The following PLCXD3 variants were observed in gnomAD, a reference collection of about 807,000 sequenced individuals.
PLCXD3 encodes PI-PLC X domain-containing protein 3.
In PLCXD3, 19 loss-of-function variants were observed where a neutral mutation model predicts 25.5. The ratio of observed to expected loss-of-function variants is 0.75; its 90% CI spans 0.52 to 1.09. The LOEUF (loss-of-function observed/expected upper bound fraction) is 1.09. Among genes scored for constraint, PLCXD3 ranks in the 50% least tolerant of loss-of-function variants. The probability of loss-of-function intolerance (pLI) is 0.00; values close to 1 mark genes in which losing one functional copy is unlikely to be tolerated. For missense variants in PLCXD3, 411 were observed against 388.1 expected, an observed-to-expected ratio of 1.06 and a Z score of -0.50; for synonymous variants, 174 against 137.6, an observed-to-expected ratio of 1.26 and a Z score of -1.85.
chr5:41,399,392 T>C (rs1444292190), intron 1 of PLCXD3, among the ~76,000 whole-genome samples: 1 of 152,056 alleles, frequency 6.6e-6, no homozygotes, highest in East Asian at 1.9e-4. Flanking sequence ...GCCAAAGCAA[T>C]CTCAAGCAAA....
At chr5:41,353,670 A>G (rs1019383006) in intron 2 of PLCXD3, among the ~76,000 whole-genome samples, 4 of 152,220 alleles carry the variant, frequency 2.6e-5, no homozygotes, top group Non-Finnish European at 5.9e-5. Flanking sequence ...AGGGAGAAAG[A>G]TAATAAATGA....
At chr5:41,363,590 T>G (rs1744850209) in intron 2 of PLCXD3, among the ~76,000 whole-genome samples, 2 of 152,210 alleles carry the variant, frequency 1.3e-5, no homozygotes. Flanking sequence ...AAGACTCCTT[T>G]ATTGAAATTG....
intron 2 of PLCXD3, among the ~76,000 whole-genome samples, chr5:41,327,099 T>C (rs1424538061): frequency 6.6e-6 from 1 of 152,138 alleles, no homozygotes; most frequent in Non-Finnish European, 1.5e-5. Flanking sequence ...TGGTCATGCC[T>C]AGGCCCTCTT....
rs76168025 is a variant in PLCXD3 at position 41,503,308 on chromosome 5, T to C, written c.103+7116A>G. ...TGAATGAAGGAACCAAATTTTCATT[T>C]ATAATGATAATTATGGATAAATGTG... On this transcript the variant is annotated intron_variant, in intron 1 of 2. Coordinates refer to ENST00000377801, the MANE Select transcript of PLCXD3 (RefSeq NM_001005473.3). Among the ~76,000 whole-genome samples, 126 of 152,336 alleles carry C rather than the reference T, an allele frequency of 8.3e-4. 2 individuals carry two copies. The East Asian group carries it at 0.024, about 28-fold the overall frequency.
chr5:41,348,664 T>C (rs116018416), intron 2 of PLCXD3, among the ~76,000 whole-genome samples: 1,826 of 152,242 alleles, frequency 0.012, 45 homozygotes, highest in African/African-American at 0.042. Context: ...TGTTTGTTTG[T>C]TTGTTTTAGA....
chr5:41,405,926 C>A (rs930846134), intron 1 of PLCXD3, among the ~76,000 whole-genome samples: 2 of 152,020 alleles, frequency 1.3e-5, no homozygotes, highest in African/African-American at 2.4e-5. Context: ...CAGCAAAATG[C>A]CATTGATGAC....
At position 41,356,366 on chromosome 5, in the gene PLCXD3, A is replaced by G. The variant is rs943458780; in HGVS notation, c.812+25460T>C. ...AAGAGTTGGCTTTGTATCGGTGAAG[A>G]AAAAACTGGGGATGGTTACAGGATA... On this transcript the variant is annotated intron_variant, in intron 2 of 2. Coordinates refer to ENST00000377801, the MANE Select transcript of PLCXD3 (RefSeq NM_001005473.3). Among the ~76,000 whole-genome samples, 3 of 152,244 alleles carry G rather than the reference A, an allele frequency of 2.0e-5. No individual in the cohort carries two copies. In the South Asian group the frequency reaches 6.2e-4, roughly 32 times the overall value.
At chr5:41,440,358 G>C (rs557316754) in intron 1 of PLCXD3, among the ~76,000 whole-genome samples, 2 of 149,452 alleles carry the variant, frequency 1.3e-5, no homozygotes, top group African/African-American at 4.9e-5. Context: ...TCAGCCTCCC[G>C]AGTAGTTGGG....
chr5:41,334,093 A>T (rs1561235813), intron 2 of PLCXD3, among the ~76,000 whole-genome samples: 1 of 152,216 alleles, frequency 6.6e-6, no homozygotes, highest in African/African-American at 2.4e-5. Context: ...TTTATTTTTA[A>T]AACCAACAAA....
chr5:41,382,068 T>C lies in PLCXD3; in HGVS notation c.570A>G (p.Gln190=). The C allele has an allele frequency of 6.2e-7, 1 of 1,613,728 alleles. No homozygotes were observed. Among genetic ancestry groups the C allele is most frequent in the Non-Finnish European group, 8.5e-7 (1 of 1,179,762 alleles). The change falls in exon 2 of 3, where the codon CAA becomes CAG. Residue 190 remains glutamine, a synonymous_variant. Transcript: ENST00000377801. ...CTGGACTATGGTAGAAGACCAGCAC[T>C]TGATAGTCCTTCTCCCACAGGTACT... The part of the protein sequence containing the change: ...SLKYLWEKDY[Q]VLVFYHSPVA...
chr5:41,494,920 G>A (rs898782146), intron 1 of PLCXD3, among the ~76,000 whole-genome samples: 5 of 152,198 alleles, frequency 3.3e-5, no homozygotes, highest in Admixed American at 6.5e-5. Context: ...AGTGAAGGAA[G>A]TGAAGGAAGA....
chr5:41,486,319 C>A (rs78723878), intron 1 of PLCXD3, among the ~76,000 whole-genome samples: 1 of 151,632 alleles, frequency 6.6e-6, no homozygotes, highest in Non-Finnish European at 1.5e-5. Flanking sequence ...CATCGTCCCC[C>A]CTGGATAAGG....
chr5:41,414,078 A>G (rs1299787253), intron 1 of PLCXD3, among the ~76,000 whole-genome samples: 2 of 152,172 alleles, frequency 1.3e-5, no homozygotes, highest in Non-Finnish European at 2.9e-5. Context: ...CAGTATTCAC[A>G]TAAAGCTAAG....
At chr5:41,456,065 C>G (rs750234100) in intron 1 of PLCXD3, among the ~76,000 whole-genome samples, 1 of 151,868 alleles carries the variant, frequency 6.6e-6, no homozygotes, top group Non-Finnish European at 1.5e-5. Flanking sequence ...CTACTATGCA[C>G]TCACTAAGCT....
Position 41,382,014 on chromosome 5 carries a change from A to C in PLCXD3, c.624T>G (p.Pro208=). 6.2e-7 allele frequency: 1 copy of C among 1,613,582 alleles called. No individual in the cohort carries two copies. The highest frequency in any genetic ancestry group is 1.3e-5 in the African/African-American group (1 of 75,016). The part of the protein sequence containing the change: ...PVALEVPFLW[P]GQMMPAPWAN... ...CCCAGGGTGCTGGCATCATCTGCCC[A>C]GGCCAGAGAAAGGGCACTTCCAGAG... Residue 208 remains proline (P), a synonymous_variant, in exon 2 of 3, where the codon CCT becomes CCG. Transcript: ENST00000377801.
At chr5:41,331,731 G>A (rs1421166438) in intron 2 of PLCXD3, among the ~76,000 whole-genome samples, 4 of 152,078 alleles carry the variant, frequency 2.6e-5, no homozygotes, top group African/African-American at 7.2e-5. Flanking sequence ...CATGGTACTG[G>A]TACCAAAACA....
intron 1 of PLCXD3, among the ~76,000 whole-genome samples, chr5:41,420,735 G>A (rs535680650): frequency 1.1e-3 from 164 of 152,148 alleles, no homozygotes; most frequent in Non-Finnish European, 1.9e-3. Flanking sequence ...AATAAGCCAG[G>A]ACATGAAACA....
rs1178381732 is a variant in PLCXD3, at chr5:41,459,729, A to T, written c.103+50695T>A. Among the ~76,000 whole-genome samples the T allele has an allele frequency of 2.6e-5, 4 of 151,748 alleles. 1 individual carries two copies. The Admixed American group carries it at 2.6e-4, about 10-fold the overall frequency. On this transcript the variant is annotated intron_variant, in intron 1 of 2. Coordinates refer to ENST00000377801, the MANE Select transcript of PLCXD3 (RefSeq NM_001005473.3). ...CCCTGCAACAACTTCTCAATCAACC[A>T]TTAAGTTATTTCTCTGCCAACATCT...
At chr5:41,345,657 A>G (rs1449563795) in intron 2 of PLCXD3, among the ~76,000 whole-genome samples, 2 of 149,058 alleles carry the variant, frequency 1.3e-5, no homozygotes, top group African/African-American at 5.0e-5. Flanking sequence ...TTCATCCTTT[A>G]CTCCAAATTT....
Sources: gnomAD v4.1 joint callset for allele counts (sites outside exome capture counted in the v4.1 genomes callset) on GRCh38, gnomAD v4.1.1 for gene constraint, MANE v1.5 for transcripts, NCBI Gene and HGNC (gene_info 2026-07-23, HGNC 2026-07-21) for gene names.